The following NELL1 variants were observed in gnomAD, a reference collection of about 807,000 sequenced individuals.
NELL1 encodes the protein neural EGFL like 1.
In NELL1, 76 loss-of-function variants were observed where a neutral mutation model predicts 107.4. That is an observed-to-expected ratio of 0.71 (90% CI 0.59 to 0.86). The LOEUF is 0.86. NELL1 is among the 40% of genes least tolerant of loss of function. The pLI is 0.00. For synonymous variants in NELL1, 353 were observed against 341.2 expected (o/e 1.03, Z -0.38); for missense variants, 1,024 against 1,005.5 (o/e 1.02, Z -0.25).
intron 16 of NELL1, among the ~76,000 whole-genome samples, chr11:21,558,399 AAT>A (rs58550867): frequency 9.1e-4 from 136 of 149,010 alleles, no homozygotes; most frequent in East Asian, 2.2e-3. Flanking sequence ...CAAGCTACAT[AAT>A]ATATATATAT....
chr11:21,231,931 C>T (rs1431470290), intron 14 of NELL1, among the ~76,000 whole-genome samples: 1 of 152,004 alleles, frequency 6.6e-6, no homozygotes, highest in African/African-American at 2.4e-5. Flanking sequence ...GTACTCTTCA[C>T]ACCTTCTTTC....
chr11:21,299,071 C>G (rs1849436673), intron 14 of NELL1, among the ~76,000 whole-genome samples: 1 of 151,920 alleles, frequency 6.6e-6, no homozygotes, highest in Non-Finnish European at 1.5e-5. Context: ...GCTTAAAATT[C>G]ACAGGAGGAG....
At chr11:20,744,100 G>T (rs1295157346) in intron 2 of NELL1, among the ~76,000 whole-genome samples, 2 of 152,174 alleles carry the variant, frequency 1.3e-5, no homozygotes, top group Admixed American at 1.3e-4. Flanking sequence ...TGTGTCCATA[G>T]CCACAATCTT....
chr11:21,126,142 G>A (rs1398694487), intron 13 of NELL1, among the ~76,000 whole-genome samples: 3 of 152,120 alleles, frequency 2.0e-5, no homozygotes, highest in East Asian at 1.9e-4. Flanking sequence ...TAGGAAAGTC[G>A]ACATTGTAAC....
intron 15 of NELL1, among the ~76,000 whole-genome samples, chr11:21,413,288 G>A (rs1229555693): frequency 6.6e-6 from 1 of 151,862 alleles, no homozygotes; most frequent in East Asian, 1.9e-4. Flanking sequence ...TGGACAATCT[G>A]GACCTCCTCT....
chr11:21,009,366 A>G (rs777121692), intron 12 of NELL1, among the ~76,000 whole-genome samples: 1 of 152,088 alleles, frequency 6.6e-6, no homozygotes, highest in East Asian at 1.9e-4. Context: ...AGTGCTGAGG[A>G]TATAAAGAGG....
chr11:21,334,128 G>T (rs1005324881), intron 14 of NELL1, among the ~76,000 whole-genome samples: 1 of 152,012 alleles, frequency 6.6e-6, no homozygotes, highest in Admixed American at 6.6e-5. Context: ...AAAAACCATA[G>T]AACTTATTCC....
intron 13 of NELL1, among the ~76,000 whole-genome samples, chr11:21,216,352 G>A (rs747477485): frequency 2.0e-5 from 3 of 152,318 alleles, no homozygotes; most frequent in Admixed American, 1.3e-4. Context: ...GCCCCCACAC[G>A]GAGTCCTCAC....
rs373263222 is a variant in NELL1, at chr11:21,534,421, C to T, written c.1693C>T (p.Arg565Cys). The change falls in exon 16 of 20, where the codon CGC (arginine) becomes TGC (cysteine). Residue 565 changes from arginine to cysteine, a missense_variant. Physicochemically the swap from Arg to Cys is radical, Grantham distance 180 (BLOSUM62 -3). Transcript: ENST00000357134. ...EGIIECHNHS[R>C]CVNLPGWYHC... ...AATCATTGAGTGCCACAACCATTCC[C>T]GCTGCGTTAACCTGCCAGGGTGGTA... 2.4e-5 allele frequency: 38 copies of T among 1,613,700 alleles called. No individual in the cohort carries two copies. The highest frequency in any genetic ancestry group is 1.9e-4 in the South Asian group (17 of 91,084).
chr11:20,669,674 G>T lies in NELL1; in HGVS notation c.-50G>T. Reference sequence around the variant, plus strand: ...CGCGCCTCAGGATCCAGGCTCATTTGCTTCCACCTAGCTTCGGTGCCCCCT... The same window carrying T: ...CGCGCCTCAGGATCCAGGCTCATTTTCTTCCACCTAGCTTCGGTGCCCCCT... On this transcript the variant is annotated 5_prime_UTR_variant, in exon 1 of 20. Coordinates refer to ENST00000357134, the MANE Select transcript of NELL1 (RefSeq NM_006157.5). The surrounding 1 kb of genome is among the most constrained non-coding windows in gnomAD (Gnocchi z 4.4). 3 of 1,529,470 alleles carry T rather than the reference G, an allele frequency of 2.0e-6. No individual in the cohort carries two copies. Among genetic ancestry groups the T allele is most frequent in the Non-Finnish European group, 2.7e-6 (3 of 1,104,196 alleles). The allele number at this position is 1,529,470 out of a possible 1,614,324, so 94.7% of individuals were successfully genotyped here.
chr11:21,460,480 C>A (rs1457800119), intron 15 of NELL1, among the ~76,000 whole-genome samples: 1 of 152,114 alleles, frequency 6.6e-6, no homozygotes, highest in Non-Finnish European at 1.5e-5. Flanking sequence ...TGATTAGCTG[C>A]CACTTGCCAA....
chr11:21,519,541 T>G (rs1855664326), intron 15 of NELL1, among the ~76,000 whole-genome samples: 6 of 61,652 alleles, frequency 9.7e-5, no homozygotes, highest in East Asian at 4.6e-4. Flanking sequence ...TTGTTTTGTT[T>G]TTTGTTTTTT....
intron 12 of NELL1, among the ~76,000 whole-genome samples, chr11:21,004,799 G>A (rs376605192): frequency 7.5e-4 from 114 of 152,116 alleles, no homozygotes; most frequent in African/African-American, 2.4e-3. Flanking sequence ...TGTGTCCAAA[G>A]GAACATTGGC....
At chr11:20,965,253 G>C (rs1231567402) in intron 12 of NELL1, among the ~76,000 whole-genome samples, 1 of 152,114 alleles carries the variant, frequency 6.6e-6, no homozygotes, top group African/African-American at 2.4e-5. Flanking sequence ...ATGGTAAATG[G>C]ATTTCCCAAT....
chr11:21,188,880 T>C lies in NELL1; in HGVS notation c.1427-40452T>C, dbSNP rs116149594. 6.5e-3 allele frequency among the ~76,000 whole-genome samples: 993 copies of C among 152,044 alleles called. 25 individuals are homozygous for C. The highest frequency in any genetic ancestry group is 0.021 in the African/African-American group (886 of 41,314). On this transcript the variant is annotated intron_variant, in intron 13 of 19. Transcript: ENST00000357134. The stretch of plus-strand genomic sequence containing the variant: ...ACATATAGGAAAATTTAAAGTATAA[T>C]GTGACCATATTGGACCCATCATTGA...
At chr11:20,783,576 T>G in intron 2 of NELL1, 104 bp from the exon 3 acceptor site, 1 of 747,848 alleles carries the variant, frequency 1.3e-6, no homozygotes, top group South Asian at 2.4e-5. Context: ...TTTTTCCTCT[T>G]CCTTCTCATC....
At chr11:21,572,657 A>G (rs1312119924) in intron 18 of NELL1, among the ~76,000 whole-genome samples, 1 of 151,904 alleles carries the variant, frequency 6.6e-6, no homozygotes, top group Non-Finnish European at 1.5e-5. Flanking sequence ...TGTTATATTC[A>G]AAACCATTCT....
At chr11:21,562,141 TTTTG>T (rs1342379235) in intron 17 of NELL1, among the ~76,000 whole-genome samples, 1 of 152,036 alleles carries the variant, frequency 6.6e-6, no homozygotes. Context: ...TTCTTTCAGT[TTTTG>T]TTTTATTTAA....
chr11:21,173,663 G>C (rs376066701), intron 13 of NELL1, among the ~76,000 whole-genome samples: 2 of 151,930 alleles, frequency 1.3e-5, no homozygotes, highest in East Asian at 3.9e-4. Context: ...AACAGATGGG[G>C]ACAGTGCTTG....
Sources: gnomAD v4.1 joint callset for allele counts (sites outside exome capture counted in the v4.1 genomes callset) on GRCh38, gnomAD v4.1.1 for gene constraint, Gnocchi (gnomAD v3.1) non-coding constraint, MANE v1.5 for transcripts, NCBI Gene and HGNC (gene_info 2026-07-23, HGNC 2026-07-21) for gene names.